The following GRIN2B variants were observed in gnomAD, a reference collection of about 807,000 sequenced individuals.
GRIN2B encodes glutamate receptor ionotropic, NMDA 2B.
A neutral mutation model predicts 114.5 loss-of-function variants in GRIN2B; 5 were observed. That is an observed-to-expected ratio of 0.04 (90% CI 0.02 to 0.09). GRIN2B has a LOEUF of 0.09. Ranked by LOEUF, GRIN2B falls within the 10% of genes least tolerant of loss-of-function variation. GRIN2B has a pLI of 1.00. For missense variants in GRIN2B, 1,108 were observed against 1,943.5 expected, an observed-to-expected ratio of 0.57 and a Z score of 8.08; for synonymous variants, 787 against 745.1, an observed-to-expected ratio of 1.06 and a Z score of -0.92.
intron 2 of GRIN2B, among the ~76,000 whole-genome samples, chr12:13,880,958 C>A (rs1205880706): frequency 9.9e-5 from 15 of 152,200 alleles, no homozygotes; most frequent in Admixed American, 9.8e-4. Context: ...TTTTCAAATT[C>A]TCTTGCCTTG....
At chr12:13,630,990 T>C (rs1949611213) in intron 5 of GRIN2B, among the ~76,000 whole-genome samples, 1 of 151,788 alleles carries the variant, frequency 6.6e-6, no homozygotes, top group Non-Finnish European at 1.5e-5. Context: ...GAGAGAGAGA[T>C]CAGGAGCGGG....
chr12:13,614,799 C>A (rs1274731980), intron 8 of GRIN2B, among the ~76,000 whole-genome samples: 1 of 152,170 alleles, frequency 6.6e-6, no homozygotes, highest in Admixed American at 6.5e-5. Flanking sequence ...GAAACCAAGT[C>A]CCCAGATACA....
At chr12:13,966,081 C>T (rs867664004) in intron 2 of GRIN2B, among the ~76,000 whole-genome samples, 39 of 152,248 alleles carry the variant, frequency 2.6e-4, no homozygotes, top group Middle Eastern at 6.8e-3. Context: ...GGTTTTTCTT[C>T]CTCTTGACGG....
At position 13,563,346 on chromosome 12, in the gene GRIN2B, G is replaced by T; in HGVS notation, c.3892C>A (p.Leu1298Met). 6.2e-7 allele frequency: 1 copy of T among 1,614,198 alleles called. No individual in the cohort carries two copies. Among genetic ancestry groups the T allele is most frequent in the Non-Finnish European group, 8.5e-7 (1 of 1,180,028 alleles). The change falls in exon 14 of 14, where the codon CTG becomes ATG. Residue 1298 changes from leucine to methionine, a missense_variant. Leu to Met is a conservative substitution (Grantham distance 15, BLOSUM62 2). Transcript: ENST00000609686. ...GTGTCGTAGGAGTGCTGCCGGCGCA[G>T]TTTGTTCCGGTTCTTCTTCTGGGCC... is the stretch of plus-strand genomic sequence containing the variant. ...SKAQKKNRNKLRRQHSYDTFV... is the reference protein window; with the variant it reads ...SKAQKKNRNKMRRQHSYDTFV...
Position 13,540,116 on chromosome 12 carries a change from C to T in GRIN2B, c.*22667G>A, listed in dbSNP as rs984020960. 1 of 152,196 alleles carries T rather than the reference C, an allele frequency of 6.6e-6. No individual in the cohort carries two copies. Among genetic ancestry groups the T allele is most frequent in the African/African-American group, 2.4e-5 (1 of 41,448 alleles). 9.4% of individuals were successfully genotyped at this position (152,196 alleles called of 1,614,324 possible). ...AAGTAGATTCGCCAGTCCAAGACTC[C>T]TACCAACAATTGGAAACCAACTGGG... On this transcript the variant is annotated 3_prime_UTR_variant, in exon 14 of 14. Coordinates refer to ENST00000609686, the MANE Select transcript of GRIN2B (RefSeq NM_000834.5).
chr12:13,804,828 G>T (rs554121904), intron 3 of GRIN2B, among the ~76,000 whole-genome samples: 23 of 152,170 alleles, frequency 1.5e-4, no homozygotes, highest in African/African-American at 5.5e-4. Context: ...AGTATTTTTT[G>T]AATGAATGGG....
Position 13,564,676 on chromosome 12 carries a change from A to G in GRIN2B, c.2599-37T>C. ...ATGGAGGGACAGGTTAGATCTCCAG[A>G]GAGGCTAGAAATGACCACAAAAAAC... is the stretch of plus-strand genomic sequence containing the variant. On this transcript the variant is annotated intron_variant, in intron 13 of 13. Transcript: ENST00000609686. This position sits in a 1 kb window ranked among gnomAD's most constrained non-coding sequence, Gnocchi z 4.8. The G allele has an allele frequency of 3.8e-6, 6 of 1,590,482 alleles. No homozygotes were observed. The highest frequency in any genetic ancestry group is 5.2e-6 in the Non-Finnish European group (6 of 1,160,676).
chr12:13,701,159 T>A (rs771953948), intron 4 of GRIN2B, among the ~76,000 whole-genome samples: 26 of 152,184 alleles, frequency 1.7e-4, no homozygotes, highest in Middle Eastern at 3.4e-3. Context: ...AAGAACAGCA[T>A]CGAGGGAACC....
intron 5 of GRIN2B, among the ~76,000 whole-genome samples, chr12:13,657,460 G>C (rs1462054834): frequency 1.3e-5 from 2 of 151,240 alleles, no homozygotes; most frequent in African/African-American, 4.8e-5. Context: ...TGCTTGCTTA[G>C]AGAAGGAGCA....
At chr12:13,742,303 G>T (rs1363968024) in intron 4 of GRIN2B, among the ~76,000 whole-genome samples, 2 of 152,082 alleles carry the variant, frequency 1.3e-5, no homozygotes, top group East Asian at 3.9e-4. Context: ...CTGTTGGTTT[G>T]CCTATCTGAT....
At chr12:13,836,768 A>C (rs945178601) in intron 3 of GRIN2B, among the ~76,000 whole-genome samples, 1 of 151,962 alleles carries the variant, frequency 6.6e-6, no homozygotes, top group South Asian at 2.1e-4. Flanking sequence ...TGAGCTGAGC[A>C]GCTCCAGCAG....
intron 5 of GRIN2B, among the ~76,000 whole-genome samples, chr12:13,673,786 C>T (rs1950044974): frequency 6.6e-6 from 1 of 151,680 alleles, no homozygotes; most frequent in African/African-American, 2.4e-5. Context: ...TTGTGAGATG[C>T]CTCCTCCTGC....
chr12:13,953,617 A>G (rs1313028576), intron 2 of GRIN2B, among the ~76,000 whole-genome samples: 4 of 152,174 alleles, frequency 2.6e-5, no homozygotes, highest in Non-Finnish European at 5.9e-5. Flanking sequence ...AGAGAGGAGA[A>G]GCTACAATAT....
chr12:13,790,039 C>A (rs968377006), intron 3 of GRIN2B, among the ~76,000 whole-genome samples: 1 of 152,196 alleles, frequency 6.6e-6, no homozygotes, highest in Non-Finnish European at 1.5e-5. Context: ...GCTGAGAAAT[C>A]CTCCTCCTTT....
chr12:13,678,957 GA>G (rs1950102979), intron 4 of GRIN2B, among the ~76,000 whole-genome samples: 1 of 151,646 alleles, frequency 6.6e-6, no homozygotes, highest in Admixed American at 6.6e-5. Context: ...CATCTATTTT[GA>G]AAGGAGGAAG....
intron 3 of GRIN2B, among the ~76,000 whole-genome samples, chr12:13,773,391 T>C (rs976306825): frequency 6.6e-6 from 1 of 152,196 alleles, no homozygotes; most frequent in African/African-American, 2.4e-5. Context: ...ATCTGTCAAA[T>C]ACACATGAGG....
intron 3 of GRIN2B, among the ~76,000 whole-genome samples, chr12:13,856,799 C>T (rs1255945391): frequency 6.6e-6 from 1 of 152,150 alleles, no homozygotes; most frequent in African/African-American, 2.4e-5. Flanking sequence ...ATCTCATCCA[C>T]TCTCATGGTT....
At chr12:13,761,065 C>A (rs1863672596) in intron 3 of GRIN2B, among the ~76,000 whole-genome samples, 1 of 152,118 alleles carries the variant, frequency 6.6e-6, no homozygotes, top group Non-Finnish European at 1.5e-5. Flanking sequence ...CATATTGATA[C>A]AGAATCATGA....
At chr12:13,572,874 CCCCAAAGTGA>C (rs1358853135) in intron 10 of GRIN2B, among the ~76,000 whole-genome samples, 1 of 152,196 alleles carries the variant, frequency 6.6e-6, no homozygotes, top group African/African-American at 2.4e-5. Flanking sequence ...ATCAAGTCTA[CCCCAAAGTGA>C]CCCATCAGAA....
Sources: allele counts gnomAD v4.1 joint callset (sites outside exome capture counted in the v4.1 genomes callset), GRCh38; gene constraint gnomAD v4.1.1; non-coding constraint Gnocchi (gnomAD v3.1); transcripts MANE v1.5; gene names NCBI Gene and HGNC (gene_info 2026-07-23, HGNC 2026-07-21).